NDUFS4: variants seen among roughly 807,000 people sequenced by gnomAD.
The protein encoded by NDUFS4 is NADH:ubiquinone oxidoreductase subunit S4, also known as NADH dehydrogenase [ubiquinone] iron-sulfur protein 4, mitochondrial.
Under a neutral mutation model 24.3 loss-of-function variants are expected in NDUFS4, and 28 were observed. The observed-to-expected ratio is 1.15, with a 90% CI of 0.85 to 1.58. The LOEUF (loss-of-function observed/expected upper bound fraction) is 1.58. NDUFS4 is among the 40% of genes most tolerant of loss of function. NDUFS4 has a pLI of 0.00. For synonymous variants in NDUFS4, 93 were observed against 69.7 expected (o/e 1.34, Z -1.67); for missense variants, 223 against 207.9 (o/e 1.07, Z -0.45).
At chr5:53,630,458 A>G (rs576899068) in intron 2 of NDUFS4, among the ~76,000 whole-genome samples, 1 of 152,174 alleles carries the variant, frequency 6.6e-6, no homozygotes, top group African/African-American at 2.4e-5. Context: ...CTCCTGGATA[A>G]TATCCTGAAG....
rs1249067914 is a variant in NDUFS4, at chr5:53,675,185, G to A, written c.425-7933G>A. ...TTTTTTTTTTTTTTTTTTTTGAGGC[G>A]GAGTCTCACTCTGTCACCCAGGCTG... On this transcript the variant is annotated intron_variant, in intron 4 of 4. Coordinates refer to ENST00000296684, the MANE Select transcript of NDUFS4 (RefSeq NM_002495.4). Among the ~76,000 whole-genome samples the A allele has an allele frequency of 1.3e-4, 17 of 127,308 alleles. No individual in the cohort carries two copies. In the South Asian group the frequency reaches 1.6e-3, roughly 12 times the overall value. 83.5% of individuals were successfully genotyped at this position (127,308 alleles called of 152,430 possible).
intron 1 of NDUFS4, among the ~76,000 whole-genome samples, chr5:53,592,963 G>T (rs1251857746): frequency 6.6e-6 from 1 of 152,016 alleles, no homozygotes; most frequent in Non-Finnish European, 1.5e-5. Flanking sequence ...TATCTGTTAA[G>T]AATTTTTGCA....
At chr5:53,571,901 A>G (rs1436683681) in intron 1 of NDUFS4, among the ~76,000 whole-genome samples, 2 of 152,180 alleles carry the variant, frequency 1.3e-5, no homozygotes, top group Non-Finnish European at 2.9e-5. Context: ...CAGCTTTTAT[A>G]GTTCCTAAAA....
At chr5:53,603,612 G>T in intron 2 of NDUFS4, 82 bp downstream of exon 2, 1 of 1,096,386 alleles carries the variant, frequency 9.1e-7, no homozygotes, top group East Asian at 2.5e-5. Context: ...TGGTGTTCCA[G>T]GTTTTCAGGA....
At chr5:53,651,664 A>G (rs375446088) in intron 3 of NDUFS4, among the ~76,000 whole-genome samples, 2 of 152,074 alleles carry the variant, frequency 1.3e-5, no homozygotes, top group African/African-American at 4.8e-5. Context: ...TCAAAGAATG[A>G]TTTTAGGATG....
At chr5:53,592,761 T>C (rs973830543) in intron 1 of NDUFS4, among the ~76,000 whole-genome samples, 3 of 152,220 alleles carry the variant, frequency 2.0e-5, no homozygotes, top group Non-Finnish European at 4.4e-5. Context: ...ACAGTCCTTA[T>C]TACTATAGCT....
At chr5:53,631,766 C>T (rs906866370) in intron 2 of NDUFS4, among the ~76,000 whole-genome samples, 2 of 152,198 alleles carry the variant, frequency 1.3e-5, no homozygotes, top group African/African-American at 2.4e-5. Context: ...CAGACTGCTG[C>T]GCTAGCCATG....
intron 2 of NDUFS4, among the ~76,000 whole-genome samples, chr5:53,640,594 T>G (rs1217779363): frequency 6.6e-6 from 1 of 151,954 alleles, no homozygotes; most frequent in Non-Finnish European, 1.5e-5. Flanking sequence ...TCAGGCTCTT[T>G]TAAACAACCA....
intron 1 of NDUFS4, among the ~76,000 whole-genome samples, chr5:53,569,697 C>T (rs1037477155): frequency 1.3e-5 from 2 of 152,266 alleles, no homozygotes; most frequent in Admixed American, 6.5e-5. Context: ...CCCGTATACA[C>T]TTGTCAGCCC....
chr5:53,568,486 T>C (rs899504680), intron 1 of NDUFS4, among the ~76,000 whole-genome samples: 1 of 152,158 alleles, frequency 6.6e-6, no homozygotes, highest in African/African-American at 2.4e-5. Flanking sequence ...CTTCCATTTT[T>C]GCATATTTTT....
chr5:53,581,734 T>C (rs1037173073), intron 1 of NDUFS4, among the ~76,000 whole-genome samples: 4 of 152,156 alleles, frequency 2.6e-5, no homozygotes, highest in African/African-American at 9.7e-5. Flanking sequence ...TAAGTACTTA[T>C]CTGTGAAGTC....
chr5:53,584,182 T>C (rs1749666812), intron 1 of NDUFS4, among the ~76,000 whole-genome samples: 1 of 152,364 alleles, frequency 6.6e-6, no homozygotes, highest in South Asian at 2.1e-4. Flanking sequence ...GATTATTGTT[T>C]ATATGTCTGC....
Position 53,683,064 on chromosome 5 carries a change from A to C in NDUFS4, c.425-54A>C. 4 of 1,161,190 alleles carry C rather than the reference A, an allele frequency of 3.4e-6. No individual in the cohort carries two copies. The South Asian group carries it at 4.9e-5, about 14-fold the overall frequency. 71.9% of individuals were successfully genotyped at this position (1,161,190 alleles called of 1,614,324 possible). ...CTAGCCTCTGCTTGCTGTGCTTTTC[A>C]GGTATCCTCTTTAATTCTGTTTCTG... On this transcript the variant is annotated intron_variant, in intron 4 of 4. Transcript: ENST00000296684.
intron 4 of NDUFS4, among the ~76,000 whole-genome samples, chr5:53,664,172 G>C (rs1752437259): frequency 6.6e-6 from 1 of 152,128 alleles, no homozygotes; most frequent in Non-Finnish European, 1.5e-5. Context: ...CCACTCTTCT[G>C]GCTTGTAGAG....
chr5:53,678,108 T>C (rs1255087043), intron 4 of NDUFS4, among the ~76,000 whole-genome samples: 2 of 152,076 alleles, frequency 1.3e-5, no homozygotes, highest in Non-Finnish European at 2.9e-5. Context: ...GAGGTTGGGG[T>C]TTTTTGGCAT....
chr5:53,562,542 A>G (rs532408031), intron 1 of NDUFS4, among the ~76,000 whole-genome samples: 1 of 152,318 alleles, frequency 6.6e-6, no homozygotes, highest in East Asian at 1.9e-4. Flanking sequence ...CAAATGTAAG[A>G]GATTTGAAAA....
At chr5:53,565,555 G>A (rs1748992457) in intron 1 of NDUFS4, among the ~76,000 whole-genome samples, 1 of 152,174 alleles carries the variant, frequency 6.6e-6, no homozygotes, top group African/African-American at 2.4e-5. Flanking sequence ...AAAGCAGGGA[G>A]CATTACGCAG....
At position 53,560,657 on chromosome 5, in the gene NDUFS4, A is replaced by C. The variant is rs73754255; in HGVS notation, c.-6A>C. ...TCCTTTCATCCTGGCGTTTGCCTGCAGCAAGATGGCGGCGGTGTCAATGTC... is the reference window on the plus strand; with the variant it reads ...TCCTTTCATCCTGGCGTTTGCCTGCCGCAAGATGGCGGCGGTGTCAATGTC... On this transcript the variant is annotated 5_prime_UTR_variant, in exon 1 of 5. Coordinates refer to ENST00000296684, the MANE Select transcript of NDUFS4 (RefSeq NM_002495.4). 65 of 1,614,148 alleles carry C rather than the reference A, an allele frequency of 4.0e-5. No individual in the cohort carries two copies. The highest frequency in any genetic ancestry group is 5.2e-5 in the Non-Finnish European group (61 of 1,180,060).
intron 2 of NDUFS4, among the ~76,000 whole-genome samples, chr5:53,616,202 T>G (rs371125255): frequency 6.7e-6 from 1 of 148,502 alleles, no homozygotes; most frequent in Non-Finnish European, 1.5e-5. Context: ...TATTATCCTT[T>G]CCTTCATTCA....
Sources: allele counts gnomAD v4.1 joint callset (sites outside exome capture counted in the v4.1 genomes callset), GRCh38; gene constraint gnomAD v4.1.1; transcripts MANE v1.5; gene names NCBI Gene and HGNC (gene_info 2026-07-23, HGNC 2026-07-21).